Variants in CTTNBP2 observed in about 807,000 individuals in gnomAD.
CTTNBP2 encodes cortactin-binding protein 2.
In CTTNBP2, 108 loss-of-function variants were observed where a neutral mutation model predicts 156.9. The observed-to-expected ratio is 0.69, with a 90% CI of 0.59 to 0.81. The LOEUF (loss-of-function observed/expected upper bound fraction) is 0.81, where lower values mean the gene tolerates loss of function less well. Among genes scored for constraint, CTTNBP2 ranks in the 30% least tolerant of loss-of-function variants. The pLI is 0.00. For synonymous variants in CTTNBP2, 767 were observed against 751.8 expected (o/e 1.02, Z -0.33); for missense variants, 1,924 against 2,035.4 (o/e 0.95, Z 1.05).
chr7:117,791,665 C>T lies in CTTNBP2; in HGVS notation c.1531G>A (p.Gly511Arg). 6.2e-7 allele frequency: 1 copy of T among 1,614,170 alleles called. No individual in the cohort carries two copies. ...SPQAGAPSRPGVPPTGDVGTH... is the reference protein window; with the variant it reads ...SPQAGAPSRPRVPPTGDVGTH... ...CCAACATCCCCTGTTGGGGGCACTC[C>T]AGGCCTTGAGGGAGCACCTGCTTGA... Residue 511 changes from glycine to arginine, a missense_variant, in exon 4 of 23, where the codon GGA (glycine) becomes AGA (arginine). Physicochemically the swap from Gly to Arg is moderately radical, Grantham distance 125. Coordinates refer to ENST00000160373, the MANE Select transcript of CTTNBP2 (RefSeq NM_033427.3).
chr7:117,743,996 C>T (rs149360623), intron 14 of CTTNBP2, among the ~76,000 whole-genome samples: 1,969 of 152,002 alleles, frequency 0.013, 50 homozygotes, highest in Non-Finnish European at 0.012. Flanking sequence ...CTTCCCTAAA[C>T]CTGCCTCTTA....
chr7:117,747,166 G>A (rs1417115868), intron 12 of CTTNBP2, among the ~76,000 whole-genome samples: 2 of 152,216 alleles, frequency 1.3e-5, no homozygotes, highest in African/African-American at 4.8e-5. Context: ...TATTGCTCAA[G>A]TGAAGATTGA....
rs1316934208 is a variant in CTTNBP2 at position 117,724,662 on chromosome 7, A to G, written c.4332T>C (p.Thr1444=). The G allele has an allele frequency of 5.6e-6, 9 of 1,614,180 alleles. No individual in the cohort carries two copies. Among genetic ancestry groups the G allele is most frequent in the African/African-American group, 1.3e-5 (1 of 75,058 alleles). ...FPLSIVSSYN[T]CNKKKGESGA... ...CACTCTCTCCTTTCTTCTTGTTACAAGTGTTATAACTGGAAACTATGGATA... is the reference window on the plus strand; with the variant it reads ...CACTCTCTCCTTTCTTCTTGTTACAGGTGTTATAACTGGAAACTATGGATA... Residue 1444 remains threonine (T), a synonymous_variant, in exon 19 of 23, where the codon ACT becomes ACC. Transcript: ENST00000160373.
intron 22 of CTTNBP2, among the ~76,000 whole-genome samples, chr7:117,717,215 A>T (rs1467854155): frequency 6.6e-6 from 1 of 152,226 alleles, no homozygotes; most frequent in Non-Finnish European, 1.5e-5. Context: ...AAGGTTAAGG[A>T]AGTCTACTGG....
At chr7:117,794,877 CTTTTTTTT>C (rs755340586) in intron 3 of CTTNBP2, among the ~76,000 whole-genome samples, 2 of 88,320 alleles carry the variant, frequency 2.3e-5, no homozygotes, top group African/African-American at 5.3e-5. Flanking sequence ...ATATGTATAT[CTTTTTTTT>C]TTTTTTTTTT....
At position 117,721,107 on chromosome 7, in the gene CTTNBP2, G is replaced by C; in HGVS notation, c.4471C>G (p.Gln1491Glu). 6.2e-7 allele frequency: 1 copy of C among 1,603,768 alleles called. No individual in the cohort carries two copies. Among genetic ancestry groups the C allele is most frequent in the Non-Finnish European group, 8.5e-7 (1 of 1,170,638 alleles). Residue 1491 changes from glutamine to glutamate, a missense_variant, in exon 20 of 23, where the codon CAG becomes GAG. By Grantham distance (29) the Gln-to-Glu change is conservative. Transcript: ENST00000160373. The stretch of plus-strand genomic sequence containing the variant: ...GAAGCATTCCTGTTACAATTCAGCT[G>C]TGATATAGTCTTATTTTTCATACCT... The part of the protein sequence containing the change: ...TEGMKNKTIS[Q>E]LNCNRNASLS...
chr7:117,774,402 A>G (rs576193949), intron 8 of CTTNBP2, among the ~76,000 whole-genome samples: 1 of 152,264 alleles, frequency 6.6e-6, no homozygotes, highest in East Asian at 1.9e-4. Context: ...GGGTTCACAG[A>G]CCAGTATCAG....
At chr7:117,745,200 C>T (rs941426562) in intron 14 of CTTNBP2, among the ~76,000 whole-genome samples, 9 of 152,152 alleles carry the variant, frequency 5.9e-5, no homozygotes, top group South Asian at 4.1e-4. Flanking sequence ...TATTTAATCC[C>T]GGTGCTGCTA....
At chr7:117,796,827 T>C (rs892969405) in intron 3 of CTTNBP2, among the ~76,000 whole-genome samples, 12 of 152,250 alleles carry the variant, frequency 7.9e-5, no homozygotes, top group Non-Finnish European at 1.6e-4. Context: ...ATAGGGGTTA[T>C]AATTTAGCAA....
chr7:117,833,797 T>C (rs764653462), intron 2 of CTTNBP2, among the ~76,000 whole-genome samples: 48 of 152,226 alleles, frequency 3.2e-4, no homozygotes, highest in Admixed American at 3.3e-4. Flanking sequence ...AAGCACTCAA[T>C]GAATTCTTCA....
At chr7:117,800,014 A>T (rs1473948972) in intron 3 of CTTNBP2, among the ~76,000 whole-genome samples, 1 of 152,092 alleles carries the variant, frequency 6.6e-6, no homozygotes, top group Non-Finnish European at 1.5e-5. Flanking sequence ...AAATAAATGG[A>T]GAAATGTACT....
intron 14 of CTTNBP2, among the ~76,000 whole-genome samples, chr7:117,738,307 A>G (rs1795820867): frequency 6.6e-6 from 1 of 152,154 alleles, no homozygotes; most frequent in African/African-American, 2.4e-5. Flanking sequence ...AAGACTCAGA[A>G]TGTCTTGTTG....
chr7:117,788,970 T>C (rs1249762899), intron 4 of CTTNBP2, among the ~76,000 whole-genome samples: 1 of 146,246 alleles, frequency 6.8e-6, no homozygotes. Flanking sequence ...TTTCCGTATC[T>C]TCAGTCGCTG....
intron 2 of CTTNBP2, among the ~76,000 whole-genome samples, chr7:117,816,487 C>T (rs1800581953): frequency 6.6e-6 from 1 of 152,234 alleles, no homozygotes; most frequent in Middle Eastern, 3.4e-3. Flanking sequence ...GGATGCTTCC[C>T]CTCCTTCACC....
At chr7:117,794,877 CTTTTTTTTTTTTTT>C (rs755340586) in intron 3 of CTTNBP2, among the ~76,000 whole-genome samples, 1 of 88,322 alleles carries the variant, frequency 1.1e-5, no homozygotes, top group Admixed American at 1.1e-4. Flanking sequence ...ATATGTATAT[CTTTTTTTTTTTTTT>C]TTTTTTTTTT....
At chr7:117,753,404 G>C (rs937676683) in intron 12 of CTTNBP2, among the ~76,000 whole-genome samples, 1 of 152,100 alleles carries the variant, frequency 6.6e-6, no homozygotes, top group African/African-American at 2.4e-5. Context: ...CCATTACTGC[G>C]TATACACCCA....
intron 10 of CTTNBP2, 22 bp from the exon 11 acceptor site, chr7:117,757,992 A>C (rs745630538): frequency 6.3e-7 from 1 of 1,584,346 alleles, no homozygotes; most frequent in South Asian, 1.1e-5. Context: ...AAATGAAATA[A>C]AATGTCAAGG....
intron 3 of CTTNBP2, among the ~76,000 whole-genome samples, chr7:117,796,786 A>C (rs1362689845): frequency 6.6e-6 from 1 of 152,264 alleles, no homozygotes; most frequent in Non-Finnish European, 1.5e-5. Flanking sequence ...ACACCATATT[A>C]AACATGTAGA....
intron 2 of CTTNBP2, among the ~76,000 whole-genome samples, chr7:117,857,099 A>G (rs1803382097): frequency 6.6e-6 from 1 of 152,162 alleles, no homozygotes; most frequent in South Asian, 2.1e-4. Flanking sequence ...TTCTTTATTG[A>G]ACTGCAAAAT....
Sources: allele counts gnomAD v4.1 joint callset (sites outside exome capture counted in the v4.1 genomes callset), GRCh38; gene constraint gnomAD v4.1.1; transcripts MANE v1.5; gene names NCBI Gene and HGNC (gene_info 2026-07-23, HGNC 2026-07-21).